ADGRA2: variants seen among roughly 807,000 people sequenced by gnomAD.
ADGRA2 encodes the protein G-protein coupled receptor 124.
In ADGRA2, 61 loss-of-function variants were observed where a neutral mutation model predicts 98.7. That is an observed-to-expected ratio of 0.62 (90% confidence interval 0.50 to 0.76). The LOEUF is 0.76. ADGRA2 is among the 30% of genes least tolerant of loss of function. ADGRA2 has a pLI of 0.00. For synonymous variants in ADGRA2, 858 were observed against 831.5 expected, an observed-to-expected ratio of 1.03 and a Z score of -0.55; for missense variants, 1,712 against 1,860.0, an observed-to-expected ratio of 0.92 and a Z score of 1.46.
At chr8:37,829,462 T>G in intron 4 of ADGRA2, 26 bp from the exon 5 acceptor site, 1 of 1,598,310 alleles carries the variant, frequency 6.3e-7, no homozygotes, top group Non-Finnish European at 8.6e-7. Context: ...TAAGACCCCA[T>G]CTCAGTTGTC....
chr8:37,831,173 G>A (rs551994610), intron 7 of ADGRA2, among the ~76,000 whole-genome samples: 1 of 152,210 alleles, frequency 6.6e-6, no homozygotes, highest in East Asian at 1.9e-4. Flanking sequence ...TCCTATCTAT[G>A]GCACCAGATT....
intron 9 of ADGRA2, 105 bp from the exon 10 acceptor site, chr8:37,833,583 C>G: frequency 8.2e-7 from 1 of 1,213,858 alleles, no homozygotes; most frequent in Admixed American, 2.0e-5. Context: ...GGCTGGACTC[C>G]TGTCCCCAGG....
At position 37,841,543 on chromosome 8, in the gene ADGRA2, C is replaced by T. The variant is rs1402830241; in HGVS notation, c.3205C>T (p.His1069Tyr). 15 of 1,612,100 alleles carry T rather than the reference C, an allele frequency of 9.3e-6. No individual in the cohort carries two copies. Among genetic ancestry groups the T allele is most frequent in the African/African-American group, 1.3e-5 (1 of 75,032 alleles). ...SALGLFVFTH[H>Y]CARRRDVRAS... is the part of the protein sequence containing the mutation. Reference sequence around the variant, plus strand: ...CCTGGGCCTCTTCGTCTTCACTCACCACTGTGCCAGGCGGAGGGACGTGAG... The same window carrying T: ...CCTGGGCCTCTTCGTCTTCACTCACTACTGTGCCAGGCGGAGGGACGTGAG... The change falls in exon 19 of 19, where the codon CAC (histidine) becomes TAC (tyrosine). Residue 1069 changes from histidine (H) to tyrosine (Y), a missense_variant. Physicochemically the swap from His to Tyr is moderately conservative, Grantham distance 83. Transcript: ENST00000412232. This position sits in a 1 kb window ranked among gnomAD's most constrained non-coding sequence, Gnocchi z 5.0.
chr8:37,816,295 AAC>A (rs1249700165), intron 2 of ADGRA2, among the ~76,000 whole-genome samples: 7 of 150,450 alleles, frequency 4.7e-5, no homozygotes, highest in East Asian at 2.0e-4. Context: ...GTCTCTTAAA[AAC>A]ACACACACAC....
intron 11 of ADGRA2, 135 bp from the exon 12 acceptor site, chr8:37,835,035 AAGAG>A (rs1196858933): frequency 8.5e-5 from 48 of 567,608 alleles, no homozygotes; most frequent in African/African-American, 7.2e-4. Context: ...TAAAAAAAAA[AAGAG>A]AGAGAGGTGG....
At position 37,841,556 on chromosome 8, in the gene ADGRA2, G is replaced by A. The variant is rs1805792293; in HGVS notation, c.3218G>A (p.Arg1073Gln). ...GTCTTCACTCACCACTGTGCCAGGC[G>A]GAGGGACGTGAGAGCCTCGTGGCGC... The part of the protein sequence containing the change: ...LFVFTHHCAR[R>Q]RDVRASWRAC... The change falls in exon 19 of 19, where the codon CGG becomes CAG. Residue 1073 changes from arginine to glutamine, a missense_variant. Coordinates refer to ENST00000412232, the MANE Select transcript of ADGRA2 (RefSeq NM_032777.10). The surrounding 1 kb of genome is among the most constrained non-coding windows in gnomAD (Gnocchi z 5.0). 1 of 1,610,278 alleles carries A rather than the reference G, an allele frequency of 6.2e-7. No individual in the cohort carries two copies. Among genetic ancestry groups the A allele is most frequent in the South Asian group, 1.1e-5 (1 of 90,632 alleles).
In ADGRA2 at chr8:37,828,010, C is replaced by T. The variant is rs373964941; in HGVS notation, c.339-878C>T. 4.1e-4 allele frequency among the ~76,000 whole-genome samples: 63 copies of T among 151,954 alleles called. No homozygotes were observed. In the South Asian group the frequency reaches 9.2e-3, roughly 22 times the overall value. Reference sequence around the variant, plus strand: ...TTTTTTAAATTAGCGGGTGTGGTGGCGCACACCTGTGGTGCCAGTTGCTTG... The same window carrying T: ...TTTTTTAAATTAGCGGGTGTGGTGGTGCACACCTGTGGTGCCAGTTGCTTG... On this transcript the variant is annotated intron_variant, in intron 2 of 18. Transcript: ENST00000412232.
At chr8:37,823,176 C>T (rs1312186064) in intron 2 of ADGRA2, among the ~76,000 whole-genome samples, 1 of 150,478 alleles carries the variant, frequency 6.6e-6, no homozygotes, top group East Asian at 1.9e-4. Context: ...CAGGTGTGAA[C>T]CACCATGCCC....
Position 37,835,761 on chromosome 8 carries a change from G to T in ADGRA2, c.2041G>T (p.Ala681Ser), listed in dbSNP as rs77369926. 1.2e-6 allele frequency: 2 copies of T among 1,609,442 alleles called. No individual in the cohort carries two copies. The highest frequency in any genetic ancestry group is 1.3e-5 in the African/African-American group (1 of 74,884). ...RRGVATPVIF[A>S]GTSGCGVGNL... ...TGGCGTGGCCACCCCCGTCATCTTC[G>T]CAGGAACCAGTAAGGGACTGAATTC... Residue 681 changes from alanine to serine, a missense_variant, in exon 13 of 19, where the codon GCA (alanine) becomes TCA (serine). Transcript: ENST00000412232.
chr8:37,844,407 C>A lies in ADGRA2; in HGVS notation c.*2052C>A, dbSNP rs1259836975. On this transcript the variant is annotated 3_prime_UTR_variant, in exon 19 of 19. Coordinates refer to ENST00000412232, the MANE Select transcript of ADGRA2 (RefSeq NM_032777.10). Reference sequence around the variant, plus strand: ...AAACAAGAAAAGCAATACCTACGGACTGGTGTACACTTCCATCCTTGGTTA... The same window carrying A: ...AAACAAGAAAAGCAATACCTACGGAATGGTGTACACTTCCATCCTTGGTTA... 2.6e-6 allele frequency: 4 copies of A among 1,533,230 alleles called. No individual in the cohort carries two copies. The highest frequency in any genetic ancestry group is 3.5e-6 in the Non-Finnish European group (4 of 1,129,682). The allele number at this position is 1,533,230 out of a possible 1,614,324, so 95.0% of individuals were successfully genotyped here.
chr8:37,797,020 G>C lies in ADGRA2; in HGVS notation c.-249G>C, dbSNP rs544129672. On this transcript the variant is annotated 5_prime_UTR_variant, in exon 1 of 19. Transcript: ENST00000412232. The surrounding 1 kb of genome is among the most constrained non-coding windows in gnomAD (Gnocchi z 5.3). ...CCCGAGGGCCGGGCGCTGAGACTCC[G>C]GCCGCGCAGCTGGGAGCTGCCCGCG... 81 of 179,602 alleles carry C rather than the reference G, an allele frequency of 4.5e-4. 1 individual carries two copies. In the East Asian group the frequency reaches 0.012, roughly 27 times the overall value. The allele number at this position is 179,602 out of a possible 1,614,324, so 11.1% of individuals were successfully genotyped here.
Position 37,829,707 on chromosome 8 carries a change from G to A in ADGRA2, c.555-144G>A, listed in dbSNP as rs962337216. 25 of 982,008 alleles carry A rather than the reference G, an allele frequency of 2.5e-5. 1 individual carries two copies. The highest frequency in any genetic ancestry group is 1.4e-4 in the South Asian group (10 of 71,692). 60.8% of individuals were successfully genotyped at this position (982,008 alleles called of 1,614,324 possible). A position where few individuals can be genotyped will look rare whatever the true frequency, so the allele number is the denominator to read the frequency against. On this transcript the variant is annotated intron_variant, in intron 5 of 18. Coordinates refer to ENST00000412232, the MANE Select transcript of ADGRA2 (RefSeq NM_032777.10). ...AATGCCCCCATGATCACCTTCCCGC[G>A]ATGGCCCGGGGCAGAGATGGTGCAC...
rs1804529549 is a variant in ADGRA2 at position 37,802,232 on chromosome 8, T to G, written c.266+4698T>G. ...CCTCGTTACAGCCACCAGGATCCAG[T>G]TAGGGGAATTTGGGCAAAGTGTGCC... is the stretch of plus-strand genomic sequence containing the variant. On this transcript the variant is annotated intron_variant, in intron 1 of 18. Coordinates refer to ENST00000412232, the MANE Select transcript of ADGRA2 (RefSeq NM_032777.10). This position sits in a 1 kb window ranked among gnomAD's most constrained non-coding sequence, Gnocchi z 4.7. Among the ~76,000 whole-genome samples, 1 of 152,058 alleles carries G rather than the reference T, an allele frequency of 6.6e-6. No individual in the cohort carries two copies. The highest frequency in any genetic ancestry group is 2.1e-4 in the South Asian group (1 of 4,818).
chr8:37,828,733 C>G (rs891629989), intron 2 of ADGRA2, among the ~76,000 whole-genome samples, 155 bp from the exon 3 acceptor site: 2 of 151,712 alleles, frequency 1.3e-5, no homozygotes, highest in Non-Finnish European at 2.9e-5. Flanking sequence ...TTAATCCCAC[C>G]TCCCACCCGG....
intron 1 of ADGRA2, among the ~76,000 whole-genome samples, chr8:37,801,326 G>A (rs1201158864): frequency 6.6e-6 from 1 of 152,214 alleles, no homozygotes; most frequent in East Asian, 1.9e-4. Context: ...AGTCTGCAGG[G>A]CAGCTGTGGG....
chr8:37,809,710 T>G (rs898535506), intron 1 of ADGRA2, among the ~76,000 whole-genome samples: 2 of 151,986 alleles, frequency 1.3e-5, no homozygotes, highest in African/African-American at 4.8e-5. Flanking sequence ...AGGGCTGGAG[T>G]TGGTGCTGGG....
intron 1 of ADGRA2, among the ~76,000 whole-genome samples, chr8:37,813,310 T>C (rs938223389): frequency 1.3e-5 from 2 of 152,156 alleles, no homozygotes; most frequent in African/African-American, 4.8e-5. Context: ...TGATGAGACC[T>C]TTAGAGGCCT....
intron 1 of ADGRA2, among the ~76,000 whole-genome samples, chr8:37,800,352 A>C (rs577243656): frequency 6.6e-6 from 1 of 152,158 alleles, no homozygotes; most frequent in Non-Finnish European, 1.5e-5. Flanking sequence ...TATTATGCGG[A>C]TTTATGCGGA....
rs1375314767 is a variant in ADGRA2, at chr8:37,844,866, T to C, written c.*2511T>C. 5 of 1,614,196 alleles carry C rather than the reference T, an allele frequency of 3.1e-6. 1 individual carries two copies. The South Asian group carries it at 5.5e-5, about 18-fold the overall frequency. ...GTGCTGGAGAAGGTCACCGATGTGC[T>C]TCACCACAGACCGTTTGTCAAGTCT... On this transcript the variant is annotated 3_prime_UTR_variant, in exon 19 of 19. Coordinates refer to ENST00000412232, the MANE Select transcript of ADGRA2 (RefSeq NM_032777.10).
Sources: allele counts gnomAD v4.1 joint callset (sites outside exome capture counted in the v4.1 genomes callset), GRCh38; gene constraint gnomAD v4.1.1; non-coding constraint Gnocchi (gnomAD v3.1); transcripts MANE v1.5; gene names NCBI Gene and HGNC (gene_info 2026-07-23, HGNC 2026-07-21).